Variants in SLC15A4 observed in about 807,000 individuals in gnomAD.
SLC15A4 encodes solute carrier family 15 member 4, also known as hPHT1.
In SLC15A4, 26 loss-of-function variants were observed where a neutral mutation model predicts 46.1. That is an observed-to-expected ratio of 0.56 (90% CI 0.41 to 0.78). SLC15A4 has a LOEUF of 0.78. SLC15A4 is among the 30% of genes least tolerant of loss of function. The pLI is 0.00. For synonymous variants in SLC15A4, 370 were observed against 333.4 expected, an observed-to-expected ratio of 1.11 and a Z score of -1.20; for missense variants, 751 against 755.7, an observed-to-expected ratio of 0.99 and a Z score of 0.07.
chr12:128,823,311 C>T, intron 1 of SLC15A4, 87 bp downstream of exon 1: 1 of 1,249,880 alleles, frequency 8.0e-7, no homozygotes, highest in Non-Finnish European at 1.0e-6. Flanking sequence ...CCTCCGCGGT[C>T]AGAGGCAGGG....
chr12:128,815,309 A>G (rs1955735976), intron 1 of SLC15A4: 7 of 161,154 alleles, frequency 4.3e-5, no homozygotes, highest in Non-Finnish European at 7.1e-5. Flanking sequence ...AACAAATGCT[A>G]GAGAGTTTTT....
chr12:128,812,388 C>T (rs892319815), intron 2 of SLC15A4, among the ~76,000 whole-genome samples: 2 of 152,116 alleles, frequency 1.3e-5, no homozygotes, highest in East Asian at 1.9e-4. Context: ...GGTGTGATCG[C>T]GGCTCACTGC....
chr12:128,808,822 G>A lies in SLC15A4; in HGVS notation c.1224C>T (p.Gly408=). 1.2e-6 allele frequency: 2 copies of A among 1,614,184 alleles called. No individual in the cohort carries two copies. Among genetic ancestry groups the A allele is most frequent in the Non-Finnish European group, 1.7e-6 (2 of 1,180,042 alleles). Residue 408 remains glycine (G), a synonymous_variant, in exon 5 of 8, where the codon GGC becomes GGT. Coordinates refer to ENST00000266771, the MANE Select transcript of SLC15A4 (RefSeq NM_145648.4). Reference sequence around the variant, plus strand: ...AGGCCGAGCACATGACAAAGAACATGCCCACGGCGATCCTCTTCAGGGAGG... The same window carrying A: ...AGGCCGAGCACATGACAAAGAACATACCCACGGCGATCCTCTTCAGGGAGG... ...LPSSLKRIAV[G]MFFVMCSAFA... is the part of the protein sequence containing the mutation.
At chr12:128,811,749 T>A (rs1300983717) in intron 2 of SLC15A4, among the ~76,000 whole-genome samples, 1 of 152,256 alleles carries the variant, frequency 6.6e-6, no homozygotes, top group Non-Finnish European at 1.5e-5. Context: ...AACATTTAAA[T>A]AACAAATAAA....
Position 128,810,044 on chromosome 12 carries a change from C to A in SLC15A4, c.910G>T (p.Gly304Cys). ...SLFDSCKMSH[G>C]GPFTEEKVED... is the part of the protein sequence containing the mutation. ...ACTTTCTCTTCTGTAAATGGCCCAC[C>A]ATGAGACATCTTACATGAATCAAAC... The change falls in exon 3 of 8, where the codon GGT becomes TGT. Residue 304 changes from glycine (G) to cysteine (C), a missense_variant. Physicochemically the swap from Gly to Cys is radical, Grantham distance 159. Coordinates refer to ENST00000266771, the MANE Select transcript of SLC15A4 (RefSeq NM_145648.4). 1.2e-6 allele frequency: 2 copies of A among 1,614,124 alleles called. No homozygotes were observed. The highest frequency in any genetic ancestry group is 1.7e-6 in the Non-Finnish European group (2 of 1,180,010).
chr12:128,820,371 C>A (rs1043726993), intron 1 of SLC15A4, among the ~76,000 whole-genome samples: 1 of 152,240 alleles, frequency 6.6e-6, no homozygotes, highest in Admixed American at 6.5e-5. Flanking sequence ...GGATCTAAGA[C>A]TCCTGTGAGG....
intron 1 of SLC15A4, among the ~76,000 whole-genome samples, chr12:128,818,764 A>G (rs2135723437): frequency 6.6e-6 from 1 of 152,272 alleles, no homozygotes; most frequent in Non-Finnish European, 1.5e-5. Context: ...CCTTTAAGTC[A>G]GTCCCACGCC....
In SLC15A4 at chr12:128,823,808, G is replaced by A; in HGVS notation, c.136C>T (p.Leu46=). Residue 46 remains leucine, a synonymous_variant, in exon 1 of 8, where the codon CTG becomes TTG. Transcript: ENST00000266771. ...ATGCCGTAGAAAGCGGCGCGCTCCA[G>A]CAGCTCCGTCAGCAGCACGGCCCCG... ...ACGAVLLTEL[L]ERAAFYGITS... 6.7e-7 allele frequency: 1 copy of A among 1,489,648 alleles called. No homozygotes were observed. The highest frequency in any genetic ancestry group is 1.2e-5 in the South Asian group (1 of 80,248). 92.3% of individuals were successfully genotyped at this position (1,489,648 alleles called of 1,614,324 possible). A position where few individuals can be genotyped will look rare whatever the true frequency, so the allele number is the denominator to read the frequency against.
intron 5 of SLC15A4, among the ~76,000 whole-genome samples, chr12:128,803,868 C>T (rs972509847): frequency 1.3e-4 from 20 of 152,312 alleles, no homozygotes; most frequent in African/African-American, 4.3e-4. Context: ...TCCGGGTCCT[C>T]GTGGGGCTCC....
At chr12:128,820,881 A>G (rs1479164648) in intron 1 of SLC15A4, among the ~76,000 whole-genome samples, 4 of 152,204 alleles carry the variant, frequency 2.6e-5, no homozygotes, top group African/African-American at 9.7e-5. Context: ...AAACCTCATG[A>G]AGAAATGTGA....
At chr12:128,809,215 T>C (rs1955624288) in intron 4 of SLC15A4, 181 bp downstream of exon 4, 1 of 588,096 alleles carries the variant, frequency 1.7e-6, no homozygotes, top group Middle Eastern at 4.5e-4. Flanking sequence ...GTCAACCTAA[T>C]CTAGCAAATG....
intron 5 of SLC15A4, among the ~76,000 whole-genome samples, chr12:128,806,095 G>A (rs1261963126): frequency 3.4e-5 from 5 of 147,352 alleles, no homozygotes; most frequent in South Asian, 2.1e-4. Context: ...GCGTGAACCC[G>A]GTAGGCAGAG....
intron 1 of SLC15A4, among the ~76,000 whole-genome samples, chr12:128,820,673 G>C (rs1484418447): frequency 6.6e-6 from 1 of 152,126 alleles, no homozygotes; most frequent in Admixed American, 6.6e-5. Context: ...TAGTCGTGTA[G>C]ACATGTAGAC....
chr12:128,802,804 TAGG>T (rs1379861166), intron 5 of SLC15A4, among the ~76,000 whole-genome samples: 1 of 151,960 alleles, frequency 6.6e-6, no homozygotes, highest in Non-Finnish European at 1.5e-5. Context: ...GATCAAGAAT[TAGG>T]AGAAGAGAAA....
chr12:128,797,055 C>T (rs1006801097), intron 7 of SLC15A4, among the ~76,000 whole-genome samples: 3 of 152,118 alleles, frequency 2.0e-5, no homozygotes, highest in African/African-American at 7.2e-5. Context: ...TCTTCACAGA[C>T]AGAAGGATAA....
At chr12:128,817,857 G>A (rs893223628) in intron 1 of SLC15A4, among the ~76,000 whole-genome samples, 27 of 152,148 alleles carry the variant, frequency 1.8e-4, no homozygotes, top group African/African-American at 3.9e-4. Context: ...AGCCCCTGGC[G>A]AGCAGGCCAC....
rs796491966 is a variant in SLC15A4, at chr12:128,793,900, A to G, written c.*296T>C. 40 of 255,650 alleles carry G rather than the reference A, an allele frequency of 1.6e-4. No individual in the cohort carries two copies. Among genetic ancestry groups the G allele is most frequent in the African/African-American group, 8.2e-4 (37 of 45,250 alleles). The allele number at this position is 255,650 out of a possible 1,614,324, so 15.8% of individuals were successfully genotyped here. ...CAAGACTTTGCAATCTCCATTTGTG[A>G]GTTTCTGTAAAAAAGGGAACCCAGC... On this transcript the variant is annotated 3_prime_UTR_variant, in exon 8 of 8. Coordinates refer to ENST00000266771, the MANE Select transcript of SLC15A4 (RefSeq NM_145648.4).
At chr12:128,818,267 A>G (rs1050278668) in intron 1 of SLC15A4, among the ~76,000 whole-genome samples, 12 of 152,162 alleles carry the variant, frequency 7.9e-5, no homozygotes, top group African/African-American at 2.7e-4. Flanking sequence ...CAGCTCACAC[A>G]TCCTCTTTCA....
At chr12:128,810,295 T>G (rs1593011347) in intron 2 of SLC15A4, 184 bp from the exon 3 acceptor site, 1 of 587,012 alleles carries the variant, frequency 1.7e-6, no homozygotes, top group Non-Finnish European at 2.9e-6. Context: ...TGTCACAGAA[T>G]GTACTGAAAC....
Sources: allele counts gnomAD v4.1 joint callset (sites outside exome capture counted in the v4.1 genomes callset), GRCh38; gene constraint gnomAD v4.1.1; transcripts MANE v1.5; gene names NCBI Gene and HGNC (gene_info 2026-07-23, HGNC 2026-07-21).